CACNG4: variants seen among roughly 807,000 people sequenced by gnomAD.
CACNG4 encodes the protein calcium voltage-gated channel auxiliary subunit gamma 4.
A neutral mutation model predicts 22.9 loss-of-function variants in CACNG4; 8 were observed. The ratio of observed to expected loss-of-function variants is 0.35; its 90% CI spans 0.21 to 0.63. The LOEUF is 0.63. Among genes scored for constraint, CACNG4 ranks in the 30% least tolerant of loss-of-function variants. The pLI, the probability that CACNG4 is intolerant of heterozygous loss-of-function variation, is 0.72. For synonymous variants in CACNG4, 188 were observed against 191.9 expected, an observed-to-expected ratio of 0.98 and a Z score of 0.17; for missense variants, 357 against 455.4, an observed-to-expected ratio of 0.78 and a Z score of 1.97.
intron 1 of CACNG4, among the ~76,000 whole-genome samples, chr17:66,980,620 CTTTTTT>C (rs67051865): frequency 9.3e-6 from 1 of 107,030 alleles, no homozygotes. Context: ...TGTGTAAATT[CTTTTTT>C]TTTTTTTTTT....
At chr17:67,006,180 GC>G (rs147467486) in intron 1 of CACNG4, among the ~76,000 whole-genome samples, 1 of 152,316 alleles carries the variant, frequency 6.6e-6, no homozygotes, top group African/African-American at 2.4e-5. Flanking sequence ...TGTCGAGGCA[GC>G]CAGGCTCCTC....
At chr17:66,998,124 A>C (rs1386601305) in intron 1 of CACNG4, among the ~76,000 whole-genome samples, 2 of 152,180 alleles carry the variant, frequency 1.3e-5, no homozygotes, top group African/African-American at 4.8e-5. Flanking sequence ...ATAGAGTGGC[A>C]TTGGAGGAAG....
At chr17:67,017,793 G>A (rs1026451527) in intron 1 of CACNG4, among the ~76,000 whole-genome samples, 72 of 152,228 alleles carry the variant, frequency 4.7e-4, no homozygotes, top group African/African-American at 1.5e-3. Context: ...TGGGATTACA[G>A]GCATGAGCCA....
Position 67,030,165 on chromosome 17 carries a change from G to A in CACNG4, c.446-301G>A, listed in dbSNP as rs2035594156. ...GGAAATAATAGGGGTGTGTGTGTGT[G>A]TGTGTGTGAAGAGAGAAATTTTTTT... On this transcript the variant is annotated intron_variant, in intron 3 of 3. Transcript: ENST00000262138. The surrounding 1 kb of genome is among the most constrained non-coding windows in gnomAD (Gnocchi z 6.4). 6.6e-6 allele frequency among the ~76,000 whole-genome samples: 1 copy of A among 152,092 alleles called. No individual in the cohort carries two copies. The highest frequency in any genetic ancestry group is 1.5e-5 in the Non-Finnish European group (1 of 68,010).
At chr17:66,972,738 C>T in intron 1 of CACNG4, among the ~76,000 whole-genome samples, 1 of 151,788 alleles carries the variant, frequency 6.6e-6, no homozygotes, top group Non-Finnish European at 1.5e-5. Flanking sequence ...CCAGCCTGGC[C>T]AACATGGTGA....
At chr17:66,998,627 C>T (rs936444440) in intron 1 of CACNG4, among the ~76,000 whole-genome samples, 2 of 152,336 alleles carry the variant, frequency 1.3e-5, no homozygotes, top group South Asian at 2.1e-4. Flanking sequence ...CTCACCCTCC[C>T]AAGCCCCCAG....
intron 1 of CACNG4, among the ~76,000 whole-genome samples, chr17:66,965,634 GGCCGGCCGGGGGCGGGGCGCGTCGGT>G (rs1461518228): frequency 1.3e-5 from 2 of 151,326 alleles, no homozygotes; most frequent in Non-Finnish European, 3.0e-5. Context: ...CCTGGGGCGG[GGCCGGCCGGGGGCGGGGCGCGTCGGT>G]GCCGCTGGGC....
intron 1 of CACNG4, among the ~76,000 whole-genome samples, chr17:66,969,683 A>G (rs1170545449): frequency 1.3e-5 from 2 of 152,136 alleles, no homozygotes; most frequent in Non-Finnish European, 2.9e-5. Flanking sequence ...AAGGGGCCCC[A>G]GCTGCCCCGA....
At chr17:66,993,964 C>T (rs1171484240) in intron 1 of CACNG4, among the ~76,000 whole-genome samples, 1 of 152,136 alleles carries the variant, frequency 6.6e-6, no homozygotes, top group African/African-American at 2.4e-5. Context: ...ACTGTACTAT[C>T]CATCTGTCTC....
chr17:66,966,790 A>G (rs1451258666), intron 1 of CACNG4, among the ~76,000 whole-genome samples: 2 of 152,180 alleles, frequency 1.3e-5, no homozygotes, highest in Middle Eastern at 3.2e-3. Context: ...GCCACACAAA[A>G]GAGCCAGTGG....
intron 1 of CACNG4, among the ~76,000 whole-genome samples, chr17:67,017,443 T>C (rs189750746): frequency 5.5e-4 from 83 of 152,202 alleles, no homozygotes; most frequent in African/African-American, 1.9e-3. Context: ...TGCCTTCACA[T>C]GTCTTGCTTC....
Position 67,027,469 on chromosome 17 carries a change from A to C in CACNG4, c.445+2469A>C, listed in dbSNP as rs560969804. 1.2e-4 allele frequency among the ~76,000 whole-genome samples: 19 copies of C among 152,282 alleles called. No individual in the cohort carries two copies. Among genetic ancestry groups the C allele is most frequent in the South Asian group, 2.1e-4 (1 of 4,814 alleles). On this transcript the variant is annotated intron_variant, in intron 3 of 3. Coordinates refer to ENST00000262138, the MANE Select transcript of CACNG4 (RefSeq NM_014405.4). The surrounding 1 kb of genome is among the most constrained non-coding windows in gnomAD (Gnocchi z 4.3). ...TGAGCAGGGCAGCAGGCACTGAGTC[A>C]TGTGTGGGGCCTGGCTTCAGGCCAC...
intron 1 of CACNG4, among the ~76,000 whole-genome samples, chr17:66,994,803 C>T (rs1262417155): frequency 6.6e-6 from 1 of 152,152 alleles, no homozygotes; most frequent in East Asian, 1.9e-4. Context: ...GCGCCTCCTC[C>T]ATACGTTCTC....
At chr17:67,018,582 TGGCTGGAGCTGG>T (rs887126127) in intron 2 of CACNG4, among the ~76,000 whole-genome samples, 5 of 152,174 alleles carry the variant, frequency 3.3e-5, no homozygotes, top group South Asian at 2.1e-4. Context: ...AGTTACTGAC[TGGCTGGAGCTGG>T]GGCTGGAGCA....
chr17:66,994,304 G>A (rs938185223), intron 1 of CACNG4, among the ~76,000 whole-genome samples: 3 of 148,458 alleles, frequency 2.0e-5, no homozygotes, highest in African/African-American at 7.4e-5. Flanking sequence ...TCCAGCCTGG[G>A]TGACAGAGCG....
Position 67,025,465 on chromosome 17 carries a change from A to G in CACNG4, c.445+465A>G, listed in dbSNP as rs1016337134. On this transcript the variant is annotated intron_variant, in intron 3 of 3. Transcript: ENST00000262138. ...ACTCGAAGGAGTTGGCCAGGTAAAG[A>G]CAGGGCGAGGGCCCGGAATGGGCAT... 2.6e-5 allele frequency among the ~76,000 whole-genome samples: 4 copies of G among 152,230 alleles called. No homozygotes were observed. The South Asian group carries it at 6.2e-4, about 24-fold the overall frequency.
intron 1 of CACNG4, among the ~76,000 whole-genome samples, chr17:66,986,601 G>C (rs1474666620): frequency 6.6e-6 from 1 of 152,194 alleles, no homozygotes; most frequent in East Asian, 1.9e-4. Flanking sequence ...AGCTCCAGGG[G>C]GAGGGCACAG....
intron 1 of CACNG4, among the ~76,000 whole-genome samples, chr17:66,996,227 G>A (rs1180999569): frequency 6.7e-6 from 1 of 149,816 alleles, no homozygotes; most frequent in Admixed American, 6.6e-5. Context: ...ACTCGCTAGT[G>A]GTAAAGAGGG....
chr17:66,993,283 T>A (rs2035353441), intron 1 of CACNG4, among the ~76,000 whole-genome samples: 1 of 152,214 alleles, frequency 6.6e-6, no homozygotes, highest in African/African-American at 2.4e-5. Context: ...GAATTAAGGC[T>A]CAGTTGGAGA....
Sources: allele counts gnomAD v4.1 joint callset (sites outside exome capture counted in the v4.1 genomes callset), GRCh38; gene constraint gnomAD v4.1.1; non-coding constraint Gnocchi (gnomAD v3.1); transcripts MANE v1.5; gene names NCBI Gene and HGNC (gene_info 2026-07-23, HGNC 2026-07-21).